Variants in ZNF76 observed in about 807,000 individuals in gnomAD.
ZNF76 encodes zinc finger protein 523.
ZNF76 carries 66 observed loss-of-function variants against 66.9 expected under a neutral mutation model. The observed-to-expected ratio is 0.99, with a 90% CI of 0.81 to 1.21. The LOEUF (loss-of-function observed/expected upper bound fraction) is 1.21, where lower values mean the gene tolerates loss of function less well. Ranked by LOEUF, ZNF76 falls within the 50% of genes most tolerant of loss-of-function variation. The pLI, the probability that ZNF76 is intolerant of heterozygous loss-of-function variation, is 0.00. For missense variants in ZNF76, 729 were observed against 760.3 expected (o/e 0.96, Z 0.48); for synonymous variants, 275 against 296.1 (o/e 0.93, Z 0.73).
At chr6:35,275,324 C>A (rs558675633) in intron 1 of ZNF76, among the ~76,000 whole-genome samples, 1 of 152,140 alleles carries the variant, frequency 6.6e-6, no homozygotes, top group East Asian at 1.9e-4. Flanking sequence ...AACCTTATAT[C>A]CTACAAGGAG....
intron 7 of ZNF76, 170 bp downstream of exon 7, chr6:35,290,886 G>A (rs1312109324): frequency 3.0e-6 from 2 of 671,082 alleles, no homozygotes; most frequent in Admixed American, 2.8e-5. Flanking sequence ...GGGAGTGCAA[G>A]GCAGCATGGT....
At chr6:35,286,566 C>T (rs1358220988) in intron 4 of ZNF76, 167 bp downstream of exon 4, 1 of 676,114 alleles carries the variant, frequency 1.5e-6, no homozygotes, top group Non-Finnish European at 2.6e-6. Flanking sequence ...CCCACCTTCC[C>T]TGGTGCAGAC....
At chr6:35,279,128 ACT>A (rs1168984242) in intron 1 of ZNF76, 2 of 153,896 alleles carry the variant, frequency 1.3e-5, no homozygotes, top group Admixed American at 1.3e-4. Context: ...TTAGATTTGT[ACT>A]CTTTTTTTCT....
chr6:35,259,984 G>C (rs2150328042), intron 1 of ZNF76, 143 bp downstream of exon 1: 1 of 151,370 alleles, frequency 6.6e-6, no homozygotes, highest in East Asian at 2.0e-4. Context: ...CCGCGGCCGG[G>C]CCCCCTCCCC....
chr6:35,272,509 G>GTGTGTGTGTGTGTGTGTA (rs1357691368), intron 1 of ZNF76, among the ~76,000 whole-genome samples: 2 of 112,380 alleles, frequency 1.8e-5, no homozygotes, highest in Admixed American at 9.4e-5. Context: ...GTGTGTGTGT[G>GTGTGTGTGTGTGTGTGTA]TGTATGTATA....
intron 2 of ZNF76, among the ~76,000 whole-genome samples, chr6:35,281,903 A>G (rs1788821192): frequency 6.6e-6 from 1 of 151,040 alleles, no homozygotes. Flanking sequence ...ACCACTGCAC[A>G]CCAGCCTGGG....
chr6:35,293,628 T>G (rs897467874), intron 11 of ZNF76, 123 bp from the exon 12 acceptor site: 12 of 1,220,386 alleles, frequency 9.8e-6, no homozygotes, highest in Middle Eastern at 2.9e-4. Context: ...ACCCATCCCT[T>G]CCACCACTAT....
chr6:35,292,690 G>C lies in ZNF76; in HGVS notation c.1068G>C (p.Gln356His). The change falls in exon 10 of 14, where the codon CAG (glutamine) becomes CAC (histidine). Residue 356 changes from glutamine to histidine, a missense_variant. Transcript: ENST00000373953. The surrounding 1 kb of genome is among the most constrained non-coding windows in gnomAD (Gnocchi z 4.7). The part of the protein sequence containing the change: ...TCSTCGKTYR[Q>H]TSTLAMHKRS... ...GCACCTGCGGCAAGACCTACCGGCA[G>C]ACCTCCACCTTGGCCATGCACAAGC... 1.2e-6 allele frequency: 2 copies of C among 1,614,188 alleles called. No homozygotes were observed. Among genetic ancestry groups the C allele is most frequent in the South Asian group, 1.1e-5 (1 of 91,082 alleles).
chr6:35,269,388 C>T (rs954335139), intron 1 of ZNF76, among the ~76,000 whole-genome samples: 20 of 151,712 alleles, frequency 1.3e-4, no homozygotes, highest in African/African-American at 4.8e-4. Flanking sequence ...GGGTCTCAGG[C>T]TCATTATACT....
chr6:35,282,563 AT>A (rs1334540493), intron 2 of ZNF76, among the ~76,000 whole-genome samples: 1 of 152,122 alleles, frequency 6.6e-6, no homozygotes, highest in African/African-American at 2.4e-5. Context: ...GCCAGATAGC[AT>A]TCGTGTCTTC....
At position 35,292,160 on chromosome 6, in the gene ZNF76, T is replaced by C. The variant is rs1790489954; in HGVS notation, c.932-394T>C. On this transcript the variant is annotated intron_variant, in intron 9 of 13. Transcript: ENST00000373953. This position sits in a 1 kb window ranked among gnomAD's most constrained non-coding sequence, Gnocchi z 4.7. The stretch of plus-strand genomic sequence containing the variant: ...CAGTGTTATGCCCCTCATCCAGCTT[T>C]CTGTGTTGTGTCTCAGCATGTGTGT... 1 of 401,704 alleles carries C rather than the reference T, an allele frequency of 2.5e-6. No homozygotes were observed. The highest frequency in any genetic ancestry group is 3.7e-5 in the Admixed American group (1 of 26,870). The allele number at this position is 401,704 out of a possible 1,614,324, so 24.9% of individuals were successfully genotyped here.
At chr6:35,280,410 G>A (rs1050492114) in intron 1 of ZNF76, among the ~76,000 whole-genome samples, 8 of 152,008 alleles carry the variant, frequency 5.3e-5, no homozygotes, top group African/African-American at 1.9e-4. Flanking sequence ...AAGTTTATCT[G>A]AGGACATAAG....
At chr6:35,281,721 G>A (rs965184943) in intron 2 of ZNF76, among the ~76,000 whole-genome samples, 2 of 151,928 alleles carry the variant, frequency 1.3e-5, no homozygotes, top group Non-Finnish European at 2.9e-5. Context: ...ACTTGAGGCC[G>A]GGAGTTGGAG....
At chr6:35,280,516 T>TC (rs5875514) in intron 1 of ZNF76, among the ~76,000 whole-genome samples, 1,001 of 97,410 alleles carry the variant, frequency 0.01, 74 homozygotes, top group African/African-American at 0.029. Context: ...TCAAGCATGA[T>TC]CCCCCCCCCC....
At chr6:35,273,405 T>C (rs1787428414) in intron 1 of ZNF76, among the ~76,000 whole-genome samples, 1 of 151,122 alleles carries the variant, frequency 6.6e-6, no homozygotes, top group Non-Finnish European at 1.5e-5. Flanking sequence ...ACTCCTGACC[T>C]CTAATGATCT....
rs187265604 is a variant in ZNF76, at chr6:35,273,251, C to T, written c.-96-7805C>T. On this transcript the variant is annotated intron_variant, in intron 1 of 13. Coordinates refer to ENST00000373953, the MANE Select transcript of ZNF76 (RefSeq NM_003427.5). ...GCAGTGGTGTGATCTCAGCTCACTG[C>T]CACCTCCACCTCCCAGGTTCAAGCG... Among the ~76,000 whole-genome samples, 866 of 151,600 alleles carry T rather than the reference C, an allele frequency of 5.7e-3. 8 individuals carry two copies. Among genetic ancestry groups the T allele is most frequent in the African/African-American group, 0.016 (683 of 41,450 alleles).
intron 1 of ZNF76, chr6:35,270,433 A>G (rs1786866372): frequency 6.6e-6 from 1 of 151,068 alleles, no homozygotes; most frequent in Non-Finnish European, 1.5e-5. Context: ...GCACCCAGCC[A>G]TTTGTTTTTC....
At position 35,291,702 on chromosome 6, in the gene ZNF76, C is replaced by T. The variant is rs1790412077; in HGVS notation, c.896C>T (p.Ala299Val). The change falls in exon 9 of 14, where the codon GCC becomes GTC. Residue 299 changes from alanine (A) to valine (V), a missense_variant. By Grantham distance (64) the Ala-to-Val change is moderately conservative. Coordinates refer to ENST00000373953, the MANE Select transcript of ZNF76 (RefSeq NM_003427.5). ...EPHCGRGFTSATNYKNHVRIH... is the reference protein window; with the variant it reads ...EPHCGRGFTSVTNYKNHVRIH... The stretch of plus-strand genomic sequence containing the variant: ...CACTGTGGCCGCGGCTTCACCAGCG[C>T]CACCAACTATAAGAATCACGTGCGC... The T allele has an allele frequency of 2.5e-6, 4 of 1,612,282 alleles. No individual in the cohort carries two copies. Among genetic ancestry groups the T allele is most frequent in the African/African-American group, 1.3e-5 (1 of 74,908 alleles).
At chr6:35,260,074 G>A (rs1784979981) in intron 1 of ZNF76, among the ~76,000 whole-genome samples, 1 of 85,144 alleles carries the variant, frequency 1.2e-5, no homozygotes, top group Non-Finnish European at 2.4e-5. Flanking sequence ...GACGGCGCCC[G>A]CCTCCACCCT....
Sources: gnomAD v4.1 joint callset for allele counts (sites outside exome capture counted in the v4.1 genomes callset) on GRCh38, gnomAD v4.1.1 for gene constraint, Gnocchi (gnomAD v3.1) non-coding constraint, MANE v1.5 for transcripts, NCBI Gene and HGNC (gene_info 2026-07-23, HGNC 2026-07-21) for gene names.